PGPEP1L: variants seen among roughly 807,000 people sequenced by gnomAD.
PGPEP1L encodes pyroglutamyl-peptidase I like, also known as pyroglutamyl-peptidase 1-like protein.
Under a neutral mutation model 6.0 loss-of-function variants are expected in PGPEP1L, and 7 were observed. The ratio of observed to expected loss-of-function variants is 1.17; its 90% CI spans 0.66 to 2.19. PGPEP1L has a LOEUF of 2.19. PGPEP1L is among the 30% of genes most tolerant of loss of function. The pLI is 0.00. For missense variants in PGPEP1L, 209 were observed against 192.5 expected (o/e 1.09, Z -0.51); for synonymous variants, 103 against 83.9 (o/e 1.23, Z -1.24).
At chr15:98,996,159 A>T (rs2017884972) in intron 2 of PGPEP1L, among the ~76,000 whole-genome samples, 1 of 152,064 alleles carries the variant, frequency 6.6e-6, no homozygotes, top group Non-Finnish European at 1.5e-5. Context: ...GAAGTCCTTG[A>T]GCTTCTAAAT....
chr15:99,002,760 G>A (rs1228492478), intron 2 of PGPEP1L, among the ~76,000 whole-genome samples: 13 of 152,126 alleles, frequency 8.5e-5, no homozygotes, highest in Non-Finnish European at 2.9e-5. Context: ...AGATACAAGT[G>A]GAATTCTCTA....
intron 2 of PGPEP1L, among the ~76,000 whole-genome samples, chr15:98,988,760 G>C (rs1417526478): frequency 1.3e-5 from 2 of 152,210 alleles, no homozygotes; most frequent in African/African-American, 4.8e-5. Flanking sequence ...GCATCTGGCA[G>C]GTGCCCCTCT....
At chr15:98,982,363 C>A (rs1385559177) in intron 2 of PGPEP1L, among the ~76,000 whole-genome samples, 1 of 150,908 alleles carries the variant, frequency 6.6e-6, no homozygotes. Flanking sequence ...CTTGTGGATT[C>A]TTGTGTCATT....
chr15:98,992,218 A>G (rs1414355816), intron 2 of PGPEP1L, among the ~76,000 whole-genome samples: 2 of 152,196 alleles, frequency 1.3e-5, no homozygotes, highest in Non-Finnish European at 2.9e-5. Context: ...TCAGCCCAAA[A>G]TCTCCTTAAG....
intron 2 of PGPEP1L, among the ~76,000 whole-genome samples, chr15:98,994,257 C>A (rs1487429435): frequency 2.6e-5 from 4 of 151,918 alleles, no homozygotes; most frequent in African/African-American, 4.8e-5. Flanking sequence ...CAGAGCAAGA[C>A]TCTGTCTCAA....
chr15:98,979,358 C>CAAGA (rs2017621497), intron 2 of PGPEP1L, among the ~76,000 whole-genome samples: 2 of 151,880 alleles, frequency 1.3e-5, no homozygotes, highest in African/African-American at 4.8e-5. Flanking sequence ...AAACACCTGG[C>CAAGA]TCTTTGCATC....
At chr15:98,980,129 T>C (rs566813495) in intron 2 of PGPEP1L, among the ~76,000 whole-genome samples, 1 of 152,128 alleles carries the variant, frequency 6.6e-6, no homozygotes, top group Non-Finnish European at 1.5e-5. Context: ...AAATCACCAC[T>C]AAAGAACTTA....
intron 2 of PGPEP1L, among the ~76,000 whole-genome samples, chr15:99,004,276 G>A (rs2018016389): frequency 6.6e-6 from 1 of 152,020 alleles, no homozygotes; most frequent in Non-Finnish European, 1.5e-5. Context: ...GGGTGTGGTG[G>A]TGAGTGCCTG....
At chr15:98,998,057 A>T (rs1246909077) in intron 2 of PGPEP1L, 1 of 152,632 alleles carries the variant, frequency 6.6e-6, no homozygotes, top group Non-Finnish European at 1.5e-5. Context: ...CAGCAGCCAC[A>T]GAAGAAACTC....
chr15:99,006,564 C>G (rs2018066990), intron 1 of PGPEP1L, among the ~76,000 whole-genome samples: 1 of 152,236 alleles, frequency 6.6e-6, no homozygotes, highest in Non-Finnish European at 1.5e-5. Flanking sequence ...TGCACTGGCT[C>G]ACGCCTTTAA....
intron 2 of PGPEP1L, among the ~76,000 whole-genome samples, chr15:98,977,763 G>A (rs1434579884): frequency 6.6e-6 from 1 of 152,168 alleles, no homozygotes; most frequent in African/African-American, 2.4e-5. Flanking sequence ...ATTGAGAGGG[G>A]TACTGAAATC....
intron 2 of PGPEP1L, among the ~76,000 whole-genome samples, chr15:98,988,001 G>A (rs1279064417): frequency 2.6e-5 from 4 of 152,216 alleles, no homozygotes; most frequent in African/African-American, 4.8e-5. Flanking sequence ...CAGACCAGGG[G>A]ATTCCCTCCG....
At chr15:98,984,177 A>AT (rs1278871008) in intron 2 of PGPEP1L, among the ~76,000 whole-genome samples, 1 of 151,840 alleles carries the variant, frequency 6.6e-6, no homozygotes, top group East Asian at 1.9e-4. Flanking sequence ...CGCCCGGCTA[A>AT]TTTTTTTGTA....
In PGPEP1L at chr15:98,968,670, C is replaced by T; in HGVS notation, c.237G>A (p.Leu79=). ...GRYVCDYTYY[L]SLHHGKGCAA... ...CGCAGCCCTTTCCATGATGCAGAGA[C>T]AGGTAATAGGTATAATCACAGACGT... The change falls in exon 5 of 5, where the codon CTG becomes CTA. Residue 79 remains leucine, a synonymous_variant. Transcript: ENST00000535714. 2 of 1,581,612 alleles carry T rather than the reference C, an allele frequency of 1.3e-6. No individual in the cohort carries two copies. Among genetic ancestry groups the T allele is most frequent in the Non-Finnish European group, 1.7e-6 (2 of 1,163,348 alleles).
At chr15:98,985,057 T>C (rs968635882) in intron 2 of PGPEP1L, among the ~76,000 whole-genome samples, 2 of 152,090 alleles carry the variant, frequency 1.3e-5, no homozygotes, top group African/African-American at 4.8e-5. Context: ...AGCAAGAAGA[T>C]TGAGCAGCCT....
At position 98,969,585 on chromosome 15, in the gene PGPEP1L, G is replaced by A. The variant is rs768652203; in HGVS notation, c.49C>T (p.Gln17Ter). Residue 17 changes from glutamine (Q) to a stop codon, truncating the protein, a stop_gained, in exon 4 of 5, where the codon CAA becomes TAA. Coordinates refer to ENST00000535714, the MANE Select transcript of PGPEP1L (RefSeq NM_001167902.2). LOFTEE classifies it high-confidence loss of function. Reference protein sequence around the residue: ...AIILEQSGKNQGYRDADIRSF... With the variant: ...AIILEQSGKN Reference sequence around the variant, plus strand: ...CGGATGTCGGCGTCCCGGTAGCCTTGGTTCTTGCCAGACTGTTCCAGAATG... The same window carrying A: ...CGGATGTCGGCGTCCCGGTAGCCTTAGTTCTTGCCAGACTGTTCCAGAATG... 2.5e-6 allele frequency: 4 copies of A among 1,613,768 alleles called. No individual in the cohort carries two copies. The highest frequency in any genetic ancestry group is 1.1e-5 in the South Asian group (1 of 91,078).
intron 1 of PGPEP1L, among the ~76,000 whole-genome samples, chr15:99,006,878 TTC>T (rs1235900185): frequency 1.3e-5 from 2 of 152,176 alleles, no homozygotes; most frequent in Admixed American, 6.5e-5. Flanking sequence ...AGACCCATGA[TTC>T]TCTGTCCCCA....
chr15:98,997,874 C>T (rs1313993135), intron 2 of PGPEP1L, among the ~76,000 whole-genome samples: 2 of 152,148 alleles, frequency 1.3e-5, no homozygotes, highest in African/African-American at 4.8e-5. Context: ...CCATCCCTCC[C>T]AGGAGGGTCC....
intron 1 of PGPEP1L, among the ~76,000 whole-genome samples, chr15:99,006,437 C>T (rs1448896128): frequency 6.6e-6 from 1 of 152,230 alleles, no homozygotes. Flanking sequence ...TTTAATGTGT[C>T]AGAATAACTG....
Sources: gnomAD v4.1 joint callset for allele counts (sites outside exome capture counted in the v4.1 genomes callset) on GRCh38, gnomAD v4.1.1 for gene constraint, MANE v1.5 for transcripts, NCBI Gene and HGNC (gene_info 2026-07-23, HGNC 2026-07-21) for gene names.